Variants in BMPER observed in about 807,000 individuals in gnomAD.
BMPER encodes BMP-binding endothelial regulator protein.
BMPER carries 45 observed loss-of-function variants against 87.3 expected under a neutral mutation model. The observed-to-expected ratio is 0.52, with a 90% CI of 0.41 to 0.66. The LOEUF (loss-of-function observed/expected upper bound fraction) is 0.66. Ranked by LOEUF, BMPER falls within the 30% of genes least tolerant of loss-of-function variation. The pLI is 0.00. For synonymous variants in BMPER, 326 were observed against 316.2 expected (o/e 1.03, Z -0.33); for missense variants, 784 against 867.5 (o/e 0.90, Z 1.21).
chr7:33,963,650 C>G (rs145616223), intron 3 of BMPER, among the ~76,000 whole-genome samples: 1 of 151,872 alleles, frequency 6.6e-6, no homozygotes, highest in Non-Finnish European at 1.5e-5. Context: ...AAAAATTAGC[C>G]GGGCGTGGTG....
chr7:34,008,632 C>T (rs144174903), intron 6 of BMPER, among the ~76,000 whole-genome samples: 37 of 151,962 alleles, frequency 2.4e-4, no homozygotes, highest in African/African-American at 8.7e-4. Context: ...TACTGTTATA[C>T]GTTTTAATTC....
intron 2 of BMPER, among the ~76,000 whole-genome samples, chr7:33,927,515 A>G (rs1390815344): frequency 1.3e-5 from 2 of 152,200 alleles, no homozygotes; most frequent in Non-Finnish European, 2.9e-5. Context: ...TAAAAGGTCC[A>G]TTGAGTCATC....
At chr7:33,981,351 C>T (rs1785852886) in intron 6 of BMPER, among the ~76,000 whole-genome samples, 1 of 152,156 alleles carries the variant, frequency 6.6e-6, no homozygotes, top group Admixed American at 6.5e-5. Flanking sequence ...TCCCATTTCT[C>T]CTCCTTCCCA....
chr7:34,029,091 C>G (rs1421889976), intron 6 of BMPER, among the ~76,000 whole-genome samples: 3 of 151,932 alleles, frequency 2.0e-5, no homozygotes, highest in African/African-American at 7.2e-5. Flanking sequence ...GTAGAATACT[C>G]AATGGTATTG....
intron 6 of BMPER, among the ~76,000 whole-genome samples, chr7:34,033,583 A>G (rs1350779072): frequency 2.6e-5 from 4 of 152,184 alleles, no homozygotes; most frequent in African/African-American, 9.6e-5. Flanking sequence ...GGTAGAATAA[A>G]ATGATGATCT....
Position 33,906,873 on chromosome 7 carries a change from AG to A in BMPER, c.190del (p.Asp64ThrfsTer5). On this transcript the variant is annotated frameshift_variant, in exon 2 of 15. Coordinates refer to ENST00000649409, the MANE Select transcript of BMPER (RefSeq NM_001365308.1). LOFTEE classifies it high-confidence loss of function. ...GEVLQIPFIT[D>X]NPCIMCVCLN... ...AAGTCCTCCAGATTCCATTTATCAC[AG>A]ACAACCCTTGCATAATGTGTGTCTG... 1 of 1,613,882 alleles carries A rather than the reference AG, an allele frequency of 6.2e-7. No individual in the cohort carries two copies. The highest frequency in any genetic ancestry group is 1.3e-5 in the African/African-American group (1 of 75,046).
At chr7:33,987,576 T>G (rs938223218) in intron 6 of BMPER, among the ~76,000 whole-genome samples, 3 of 152,200 alleles carry the variant, frequency 2.0e-5, no homozygotes, top group Non-Finnish European at 4.4e-5. Context: ...CACGGCCTCC[T>G]TGATCTGGGT....
At chr7:33,934,238 G>A (rs762762786) in intron 2 of BMPER, among the ~76,000 whole-genome samples, 3 of 152,128 alleles carry the variant, frequency 2.0e-5, no homozygotes, top group Non-Finnish European at 4.4e-5. Context: ...ATTAACCTGT[G>A]TTTGAATTTA....
At chr7:33,965,015 C>A (rs79470215) in intron 3 of BMPER, among the ~76,000 whole-genome samples, 1 of 152,052 alleles carries the variant, frequency 6.6e-6, no homozygotes, top group Non-Finnish European at 1.5e-5. Flanking sequence ...CTTGTAAGCG[C>A]GTTTGTTCAG....
chr7:33,992,765 C>G (rs1196295157), intron 6 of BMPER, among the ~76,000 whole-genome samples: 1 of 147,918 alleles, frequency 6.8e-6, no homozygotes, highest in Non-Finnish European at 1.5e-5. Flanking sequence ...CCGGTTGCTC[C>G]TTTCCATGTT....
intron 13 of BMPER, among the ~76,000 whole-genome samples, chr7:34,128,978 C>T (rs1051447502): frequency 2.6e-5 from 4 of 152,044 alleles, no homozygotes; most frequent in Non-Finnish European, 5.9e-5. Context: ...GTGAGTCATC[C>T]GGCCTGTTGG....
chr7:33,950,296 G>T (rs1038912127), intron 3 of BMPER, among the ~76,000 whole-genome samples: 2 of 152,206 alleles, frequency 1.3e-5, no homozygotes, highest in Admixed American at 6.5e-5. Flanking sequence ...CAGAATGGGG[G>T]TAGTCTCAGA....
chr7:34,053,905 G>T (rs1788210790), intron 8 of BMPER, among the ~76,000 whole-genome samples: 1 of 152,138 alleles, frequency 6.6e-6, no homozygotes, highest in Admixed American at 6.5e-5. Context: ...CATGCAGGAT[G>T]GTTTCAGATC....
intron 13 of BMPER, among the ~76,000 whole-genome samples, chr7:34,129,644 G>GA (rs1478502086): frequency 6.7e-6 from 1 of 149,510 alleles, no homozygotes; most frequent in African/African-American, 2.5e-5. Flanking sequence ...AAGAAAGAAA[G>GA]AAAGAAAGAA....
intron 10 of BMPER, among the ~76,000 whole-genome samples, chr7:34,059,628 A>G (rs964970929): frequency 7.8e-5 from 11 of 140,440 alleles, no homozygotes; most frequent in Non-Finnish European, 1.2e-4. Flanking sequence ...TCCAGTTCAC[A>G]CTTTCCCTTC....
chr7:33,989,306 T>C (rs1786122209), intron 6 of BMPER, among the ~76,000 whole-genome samples: 1 of 149,934 alleles, frequency 6.7e-6, no homozygotes, highest in African/African-American at 2.5e-5. Context: ...ATGATTGCCA[T>C]TCTAACTGGT....
At chr7:34,129,626 AAG>A (rs1174825204) in intron 13 of BMPER, among the ~76,000 whole-genome samples, 2 of 116,288 alleles carry the variant, frequency 1.7e-5, no homozygotes, top group African/African-American at 3.5e-5. Context: ...GAGAGAGAGA[AAG>A]AGAGAAAGAA....
intron 3 of BMPER, among the ~76,000 whole-genome samples, chr7:33,948,158 C>A (rs1784932108): frequency 6.6e-6 from 1 of 152,166 alleles, no homozygotes; most frequent in African/African-American, 2.4e-5. Context: ...TGGCCAAATT[C>A]TCTGGTAGTT....
chr7:34,088,587 C>T (rs187872541), intron 13 of BMPER, among the ~76,000 whole-genome samples: 1 of 152,198 alleles, frequency 6.6e-6, no homozygotes. Context: ...CCAGCTCTGC[C>T]ACTGTTAGCA....
Sources: gnomAD v4.1 joint callset for allele counts (sites outside exome capture counted in the v4.1 genomes callset) on GRCh38, gnomAD v4.1.1 for gene constraint, MANE v1.5 for transcripts, NCBI Gene and HGNC (gene_info 2026-07-23, HGNC 2026-07-21) for gene names.